FGD2: variants seen among roughly 807,000 people sequenced by gnomAD.
FGD2 encodes FYVE, RhoGEF and PH domain containing 2.
A neutral mutation model predicts 75.9 loss-of-function variants in FGD2; 52 were observed. The observed-to-expected ratio is 0.69, with a 90% CI of 0.55 to 0.86. The LOEUF (loss-of-function observed/expected upper bound fraction) is 0.86, where lower values mean the gene tolerates loss of function less well. Ranked by LOEUF, FGD2 falls within the 40% of genes least tolerant of loss-of-function variation. The probability of loss-of-function intolerance (pLI) is 0.00; values close to 1 mark genes in which losing one functional copy is unlikely to be tolerated. For missense variants in FGD2, 790 were observed against 872.0 expected (o/e 0.91, Z 1.18); for synonymous variants, 347 against 348.6 (o/e 1.00, Z 0.05).
chr6:37,014,366 A>G (rs187730594), intron 6 of FGD2: 6 of 616,538 alleles, frequency 9.7e-6, no homozygotes, highest in African/African-American at 1.8e-5. Context: ...ACCAAAGCCC[A>G]TGCTCCTTCC....
chr6:37,011,400 T>G, intron 3 of FGD2: 2 of 553,358 alleles, frequency 3.6e-6, no homozygotes, highest in Non-Finnish European at 6.4e-6. Flanking sequence ...GCTAGAGGGT[T>G]ATTCATCACC....
rs1021890341 is a variant in FGD2, at chr6:37,028,362, A to G, written c.*199A>G. The G allele has an allele frequency of 3.6e-6, 2 of 552,880 alleles. No individual in the cohort carries two copies. The highest frequency in any genetic ancestry group is 6.2e-6 in the Non-Finnish European group (2 of 321,504). 34.2% of individuals were successfully genotyped at this position (552,880 alleles called of 1,614,324 possible). On this transcript the variant is annotated 3_prime_UTR_variant, in exon 16 of 16. Coordinates refer to ENST00000274963, the MANE Select transcript of FGD2 (RefSeq NM_173558.4). ...ATTCCTTTCTAGAAAGGGGACAACCAAGTGTCTCAGTTTGCCTTGCGGGGA... is the reference window on the plus strand; with the variant it reads ...ATTCCTTTCTAGAAAGGGGACAACCGAGTGTCTCAGTTTGCCTTGCGGGGA...
At position 37,020,544 on chromosome 6, in the gene FGD2, C is replaced by A; in HGVS notation, c.1126C>A (p.Arg376=). Residue 376 remains arginine, a synonymous_variant, in exon 10 of 16, where the codon CGG becomes AGG. Transcript: ENST00000274963. ...GTTGCCTCCCTCCTCTTGGCAGGTGCGGGAGCTGATGGATGCTGAGTTTCC... is the reference window on the plus strand; with the variant it reads ...GTTGCCTCCCTCCTCTTGGCAGGTGAGGGAGCTGATGGATGCTGAGTTTCC... The part of the protein sequence containing the change: ...TRIDVAGMKV[R]ELMDAEFPHS... 6.2e-7 allele frequency: 1 copy of A among 1,605,116 alleles called. No individual in the cohort carries two copies. The highest frequency in any genetic ancestry group is 1.1e-5 in the South Asian group (1 of 89,102).
At chr6:37,024,531 CAG>C (rs1225793092) in intron 13 of FGD2, 1 of 151,842 alleles carries the variant, frequency 6.6e-6, no homozygotes, top group Non-Finnish European at 1.5e-5. Context: ...TAGAGAGAGA[CAG>C]AGAGCAAATG....
At chr6:37,012,070 G>C in intron 4 of FGD2, 1 of 533,598 alleles carries the variant, frequency 1.9e-6, no homozygotes, top group South Asian at 2.9e-5. Flanking sequence ...GAAAGGGGTG[G>C]ATCAGGTCCT....
chr6:37,026,669 C>T (rs1028925060), intron 14 of FGD2, among the ~76,000 whole-genome samples: 6 of 152,146 alleles, frequency 3.9e-5, no homozygotes, highest in African/African-American at 1.2e-4. Flanking sequence ...GAGAAGGTCC[C>T]AGCCTGTGCC....
rs145426123 is a variant in FGD2, at chr6:37,008,738, G to A, written c.69-96G>A. ...GGCACCCAGGGGCCCCTGCACTGGG[G>A]ATTTGCACCAGGCAACCCAAATCCA... On this transcript the variant is annotated intron_variant, in intron 1 of 15. Transcript: ENST00000274963. The A allele has an allele frequency of 2.2e-3, 2,798 of 1,258,826 alleles. 10 individuals are homozygous for A. Among genetic ancestry groups the A allele is most frequent in the Non-Finnish European group, 2.4e-3 (2,210 of 914,052 alleles). 78.0% of individuals were successfully genotyped at this position (1,258,826 alleles called of 1,614,324 possible). A position where few individuals can be genotyped will look rare whatever the true frequency, so the allele number is the denominator to read the frequency against.
intron 11 of FGD2, 149 bp downstream of exon 11, chr6:37,020,888 A>ATGTG (rs58421270): frequency 0.044 from 29,144 of 661,114 alleles, 144 homozygotes; most frequent in African/African-American, 0.077. Flanking sequence ...GTATGTATGC[A>ATGTG]TGTGTGTGTG....
intron 8 of FGD2, among the ~76,000 whole-genome samples, chr6:37,015,532 G>T (rs1765242464): frequency 6.6e-6 from 1 of 152,156 alleles, no homozygotes; most frequent in Non-Finnish European, 1.5e-5. Context: ...GTCTGCTATG[G>T]TCCCTTGTAG....
Position 37,014,072 on chromosome 6 carries a change from C to T in FGD2, c.795C>T (p.Ala265=), listed in dbSNP as rs955726928. 1.9e-6 allele frequency: 3 copies of T among 1,613,974 alleles called. No individual in the cohort carries two copies. The African/African-American group carries it at 4.0e-5, about 22-fold the overall frequency. The change falls in exon 6 of 16, where the codon GCC becomes GCT. Residue 265 remains alanine (A), a synonymous_variant. Coordinates refer to ENST00000274963, the MANE Select transcript of FGD2 (RefSeq NM_173558.4). ...AGGAGTACATCCAGAAGCTGCCAGC[C>T]CAGGCCCCAGACCAGGCCGATGCCC... ...LLKEYIQKLP[A]QAPDQADAQK... is the part of the protein sequence containing the mutation.
intron 9 of FGD2, 83 bp downstream of exon 9, chr6:37,015,943 T>G: frequency 7.8e-7 from 1 of 1,281,510 alleles, no homozygotes; most frequent in South Asian, 1.4e-5. Flanking sequence ...CCAACCAGGT[T>G]CTCAATCACA....
chr6:37,022,054 A>G, intron 12 of FGD2, 185 bp from the exon 13 acceptor site: 1 of 764,852 alleles, frequency 1.3e-6, no homozygotes, highest in Non-Finnish European at 2.0e-6. Context: ...ATACAATAGG[A>G]ATAATGGTAA....
At chr6:37,021,034 ATATG>A (rs1250759051) in intron 11 of FGD2, among the ~76,000 whole-genome samples, 2 of 145,778 alleles carry the variant, frequency 1.4e-5, no homozygotes, top group Non-Finnish European at 3.0e-5. Context: ...GTGTATGTGT[ATATG>A]TGTGTTTGTG....
chr6:37,006,936 T>A (rs1388980808), intron 1 of FGD2, among the ~76,000 whole-genome samples: 1 of 152,038 alleles, frequency 6.6e-6, no homozygotes, highest in Admixed American at 6.5e-5. Context: ...GGTATTTGTA[T>A]CTCCATGTGG....
chr6:37,008,106 G>A (rs1480522055), intron 1 of FGD2, among the ~76,000 whole-genome samples: 2 of 152,184 alleles, frequency 1.3e-5, no homozygotes, highest in African/African-American at 2.4e-5. Flanking sequence ...TTCTCACGGA[G>A]TTTTGGAGAT....
At chr6:37,027,881 C>T in intron 15 of FGD2, 67 bp from the exon 16 acceptor site, 14 of 1,556,992 alleles carry the variant, frequency 9.0e-6, no homozygotes, top group Non-Finnish European at 1.2e-5. Context: ...CTGTTGCCTT[C>T]ACGATGGCTA....
At chr6:37,021,374 C>A in intron 11 of FGD2, 138 bp from the exon 12 acceptor site, 1 of 689,902 alleles carries the variant, frequency 1.4e-6, no homozygotes, top group East Asian at 2.7e-5. Flanking sequence ...ATAAGGCAGC[C>A]CGCGTGTGTG....
chr6:37,027,865 G>T (rs942098573), intron 15 of FGD2, 83 bp from the exon 16 acceptor site: 58 of 1,464,162 alleles, frequency 4.0e-5, no homozygotes, highest in Non-Finnish European at 5.2e-5. Flanking sequence ...AGCTGTGCGT[G>T]CGTGGCTGTT....
At chr6:37,026,193 A>G (rs1391019076) in intron 14 of FGD2, 3 of 985,004 alleles carry the variant, frequency 3.0e-6, no homozygotes, top group Non-Finnish European at 3.6e-6. Flanking sequence ...CACTTCCTCT[A>G]TGTCCCCATC....
Sources: allele counts gnomAD v4.1 joint callset (sites outside exome capture counted in the v4.1 genomes callset), GRCh38; gene constraint gnomAD v4.1.1; transcripts MANE v1.5; gene names NCBI Gene and HGNC (gene_info 2026-07-23, HGNC 2026-07-21).